AUTS2: variants seen among roughly 807,000 people sequenced by gnomAD.
The protein encoded by AUTS2 is activator of transcription and developmental regulator AUTS2.
Under a neutral mutation model 112.4 loss-of-function variants are expected in AUTS2, and 17 were observed. That is an observed-to-expected ratio of 0.15 (90% confidence interval 0.10 to 0.23). AUTS2 has a LOEUF of 0.23. Among genes scored for constraint, AUTS2 ranks in the 10% least tolerant of loss-of-function variants. The pLI is 1.00. For synonymous variants in AUTS2, 751 were observed against 702.7 expected, an observed-to-expected ratio of 1.07 and a Z score of -1.09; for missense variants, 1,510 against 1,701.6, an observed-to-expected ratio of 0.89 and a Z score of 1.98.
At chr7:70,763,806 G>C (rs1789729898) in intron 7 of AUTS2, among the ~76,000 whole-genome samples, 1 of 152,148 alleles carries the variant, frequency 6.6e-6, no homozygotes, top group Non-Finnish European at 1.5e-5. Flanking sequence ...GAGTATTCCA[G>C]CTTAAGGATT....
At chr7:69,611,078 T>C (rs967784743) in intron 1 of AUTS2, among the ~76,000 whole-genome samples, 7 of 152,208 alleles carry the variant, frequency 4.6e-5, no homozygotes, top group African/African-American at 7.2e-5. Flanking sequence ...AATTTACCCT[T>C]TTTATTTGGA....
At chr7:70,331,631 C>T (rs188949000) in intron 4 of AUTS2, among the ~76,000 whole-genome samples, 51 of 151,756 alleles carry the variant, frequency 3.4e-4, no homozygotes, top group South Asian at 1.5e-3. Flanking sequence ...ATAATCAAGT[C>T]GGCTTCATCC....
chr7:70,340,163 A>AACACACACACACAC (rs71077652), intron 4 of AUTS2, among the ~76,000 whole-genome samples: 13,091 of 144,612 alleles, frequency 0.091, 635 homozygotes, highest in African/African-American at 0.13. Context: ...TATGGAGAGA[A>AACACACACACACAC]ACACACACAC....
chr7:70,141,527 C>T (rs1284230548), intron 4 of AUTS2, among the ~76,000 whole-genome samples: 2 of 152,156 alleles, frequency 1.3e-5, no homozygotes, highest in African/African-American at 2.4e-5. Context: ...TCTGGGCAAA[C>T]GAAAGTTGTT....
intron 1 of AUTS2, among the ~76,000 whole-genome samples, chr7:69,655,475 C>T (rs1247768913): frequency 6.6e-6 from 1 of 152,300 alleles, no homozygotes; most frequent in East Asian, 1.9e-4. Context: ...CATCTGGGAA[C>T]GGTTAGAATT....
rs1795876443 is a variant in AUTS2, at chr7:69,663,053, A to T, written c.309+63091A>T. The T allele has an allele frequency of 4.6e-5, 7 of 152,336 alleles. No homozygotes were observed. In the South Asian group the frequency reaches 1.4e-3, roughly 32 times the overall value. The allele number at this position is 152,336 out of a possible 1,614,324, so 9.4% of individuals were successfully genotyped here. ...AGAACAGACTTATATTACAGTGTTT[A>T]CTTTTCTAACTGATTGAGATTCAGG... On this transcript the variant is annotated intron_variant, in intron 1 of 18. Coordinates refer to ENST00000342771, the MANE Select transcript of AUTS2 (RefSeq NM_015570.4).
intron 5 of AUTS2, among the ~76,000 whole-genome samples, chr7:70,677,568 C>T (rs1288610451): frequency 6.6e-6 from 1 of 152,124 alleles, no homozygotes; most frequent in East Asian, 1.9e-4. Flanking sequence ...GTGTCTCCTG[C>T]CATTTTCCTC....
At chr7:70,665,451 C>CTATTTATTTATTTATTTATTTATT (rs140760249) in intron 5 of AUTS2, among the ~76,000 whole-genome samples, 4 of 147,016 alleles carry the variant, frequency 2.7e-5, no homozygotes, top group African/African-American at 5.1e-5. Flanking sequence ...ATCTATTTAT[C>CTATTTATTTATTTATTTATTTATT]TATTTATTTA....
intron 2 of AUTS2, among the ~76,000 whole-genome samples, chr7:69,933,834 AGT>A (rs1340387659): frequency 1.3e-5 from 2 of 152,062 alleles, no homozygotes; most frequent in African/African-American, 2.4e-5. Context: ...GACTAGTATA[AGT>A]GTCATTTTTG....
chr7:69,870,448 A>AATATATATATATATGTATATATATAT, intron 1 of AUTS2, among the ~76,000 whole-genome samples: 1 of 78,970 alleles, frequency 1.3e-5, no homozygotes, highest in East Asian at 4.1e-4. Flanking sequence ...ATGTGTGTGT[A>AATATATATATATATGTATATATATAT]ATATATATAT....
intron 2 of AUTS2, among the ~76,000 whole-genome samples, chr7:69,937,119 G>A (rs1227309938): frequency 6.6e-6 from 1 of 152,152 alleles, no homozygotes; most frequent in Non-Finnish European, 1.5e-5. Flanking sequence ...GTATGCACGA[G>A]GGACTGTAAA....
chr7:70,598,407 A>C (rs1554438830), intron 5 of AUTS2, among the ~76,000 whole-genome samples: 1 of 152,256 alleles, frequency 6.6e-6, no homozygotes, highest in Non-Finnish European at 1.5e-5. Flanking sequence ...TACAACAGGC[A>C]GAAGCTTGAA....
In AUTS2 at chr7:70,513,666, CTT is replaced by C. The variant is rs35815016; in HGVS notation, c.690+77900_690+77901del. Among the ~76,000 whole-genome samples the C allele has an allele frequency of 2.5e-4, 35 of 140,308 alleles. 1 individual carries two copies. Among genetic ancestry groups the C allele is most frequent in the East Asian group, 4.1e-4 (2 of 4,920 alleles). The allele number at this position is 140,308 out of a possible 152,430, so 92.0% of individuals were successfully genotyped here. A position where few individuals can be genotyped will look rare whatever the true frequency, so the allele number is the denominator to read the frequency against. ...TAGAAATCATCTACTTTTCTGTTTC[CTT>C]TTTTTTTTTTTTTTGAGATGGAGTC... On this transcript the variant is annotated intron_variant, in intron 5 of 18. Transcript: ENST00000342771.
At chr7:69,653,499 G>T (rs1795381122) in intron 1 of AUTS2, among the ~76,000 whole-genome samples, 1 of 152,184 alleles carries the variant, frequency 6.6e-6, no homozygotes, top group Non-Finnish European at 1.5e-5. Flanking sequence ...GGGTCATTGA[G>T]AGAACACTTC....
At chr7:69,710,247 T>A (rs2129200304) in intron 1 of AUTS2, among the ~76,000 whole-genome samples, 1 of 152,358 alleles carries the variant, frequency 6.6e-6, no homozygotes, top group Non-Finnish European at 1.5e-5. Flanking sequence ...GGTTTAGATC[T>A]TAATTAGCTC....
intron 3 of AUTS2, among the ~76,000 whole-genome samples, chr7:70,126,528 A>G (rs978881681): frequency 6.6e-6 from 1 of 152,206 alleles, no homozygotes; most frequent in Non-Finnish European, 1.5e-5. Flanking sequence ...TCAAGGAGAC[A>G]TAGTAACTTG....
chr7:70,258,725 G>A (rs1280132066), intron 4 of AUTS2, among the ~76,000 whole-genome samples: 2 of 152,162 alleles, frequency 1.3e-5, no homozygotes, highest in African/African-American at 4.8e-5. Flanking sequence ...ACCTAGTCAA[G>A]CATGTGACAA....
rs549671338 is a variant in AUTS2, at chr7:69,872,038, A to G, written c.310-27248A>G. Among the ~76,000 whole-genome samples the G allele has an allele frequency of 3.9e-5, 6 of 152,294 alleles. 1 individual carries two copies. In the South Asian group the frequency reaches 1.0e-3, roughly 26 times the overall value. ...CCTGTTGCGTGTATTTTTTCTACTC[A>G]TGGACATGTTCCACTGTGTTATCCG... On this transcript the variant is annotated intron_variant, in intron 1 of 18. Transcript: ENST00000342771.
At chr7:70,493,160 G>A (rs898175643) in intron 5 of AUTS2, among the ~76,000 whole-genome samples, 3 of 152,168 alleles carry the variant, frequency 2.0e-5, no homozygotes, top group African/African-American at 7.2e-5. Context: ...GCATGTGTGG[G>A]AAAAGGTATA....
Sources: gnomAD v4.1 joint callset for allele counts (sites outside exome capture counted in the v4.1 genomes callset) on GRCh38, gnomAD v4.1.1 for gene constraint, MANE v1.5 for transcripts, NCBI Gene and HGNC (gene_info 2026-07-23, HGNC 2026-07-21) for gene names.